SUMF1: variants seen among roughly 807,000 people sequenced by gnomAD.
The protein encoded by SUMF1 is formylglycine-generating enzyme.
Under a neutral mutation model 47.6 loss-of-function variants are expected in SUMF1, and 48 were observed. The ratio of observed to expected loss-of-function variants is 1.01; its 90% CI spans 0.80 to 1.28. SUMF1 has a LOEUF of 1.28. Among genes scored for constraint, SUMF1 ranks in the 50% most tolerant of loss-of-function variants. SUMF1 has a pLI of 0.00. For synonymous variants in SUMF1, 230 were observed against 192.1 expected (o/e 1.20, Z -1.63); for missense variants, 571 against 485.4 (o/e 1.18, Z -1.66).
intron 8 of SUMF1, among the ~76,000 whole-genome samples, chr3:4,366,716 C>T (rs1476491731): frequency 2.0e-5 from 3 of 152,192 alleles, no homozygotes; most frequent in Non-Finnish European, 4.4e-5. Flanking sequence ...TCTCTCAACT[C>T]GTCAAAGTCA....
intron 3 of SUMF1, among the ~76,000 whole-genome samples, chr3:4,421,281 G>C (rs1701889520): frequency 6.6e-6 from 1 of 152,080 alleles, no homozygotes; most frequent in South Asian, 2.1e-4. Flanking sequence ...GATAGTAACA[G>C]CACCTATATC....
At chr3:4,050,163 T>C (rs1695080593) in intron 9 of SUMF1, among the ~76,000 whole-genome samples, 1 of 151,908 alleles carries the variant, frequency 6.6e-6, no homozygotes, top group Non-Finnish European at 1.5e-5. Context: ...CAGGAATGCC[T>C]GTCTCCATTT....
intron 9 of SUMF1, among the ~76,000 whole-genome samples, chr3:4,044,224 T>C (rs1426796631): frequency 1.3e-5 from 2 of 152,186 alleles, no homozygotes; most frequent in Non-Finnish European, 2.9e-5. Flanking sequence ...CAGTTCAGGA[T>C]TTCTGAGACC....
At chr3:4,402,661 G>A (rs560520396) in intron 7 of SUMF1, among the ~76,000 whole-genome samples, 5 of 152,148 alleles carry the variant, frequency 3.3e-5, no homozygotes, top group South Asian at 4.2e-4. Context: ...AAGGGAAAGC[G>A]ACCACCATCA....
chr3:4,327,356 C>A (rs900551439), intron 8 of SUMF1, among the ~76,000 whole-genome samples: 1 of 152,150 alleles, frequency 6.6e-6, no homozygotes, highest in Non-Finnish European at 1.5e-5. Flanking sequence ...CCTTTAATAG[C>A]ACCCAGAAGA....
intron 8 of SUMF1, among the ~76,000 whole-genome samples, chr3:4,165,137 G>A (rs1232510768): frequency 6.6e-6 from 1 of 152,100 alleles, no homozygotes; most frequent in Non-Finnish European, 1.5e-5. Flanking sequence ...ACTTGACTAA[G>A]ATACCAGGTA....
At chr3:4,381,296 A>G (rs1483448662) in intron 7 of SUMF1, among the ~76,000 whole-genome samples, 1 of 152,210 alleles carries the variant, frequency 6.6e-6, no homozygotes. Flanking sequence ...ACGAGGATGC[A>G]AAGGCATAAG....
chr3:4,367,376 A>G (rs570769539), intron 8 of SUMF1, among the ~76,000 whole-genome samples: 1 of 152,338 alleles, frequency 6.6e-6, no homozygotes, highest in African/African-American at 2.4e-5. Flanking sequence ...GGCTCCACCC[A>G]TTTCGAGCTT....
chr3:4,059,386 T>C lies in SUMF1; in HGVS notation c.1191+9183A>G, dbSNP rs181173280. ...GGAGGAAAAGAAGGCCCTTGGAAATTGCCATTCTGGAATTGAAAACTTAAA... is the reference window on the plus strand; with the variant it reads ...GGAGGAAAAGAAGGCCCTTGGAAATCGCCATTCTGGAATTGAAAACTTAAA... On this transcript the variant is annotated intron_variant and NMD_transcript_variant, in intron 9 of 12. Coordinates refer to the SUMF1 transcript ENST00000448413. Among the ~76,000 whole-genome samples the C allele has an allele frequency of 2.6e-5, 4 of 152,242 alleles. No individual in the cohort carries two copies. The East Asian group carries it at 7.7e-4, about 29-fold the overall frequency.
chr3:4,362,263 A>G lies in SUMF1; in HGVS notation c.1015-9T>C, dbSNP rs1465413567. On this transcript the variant is annotated splice_polypyrimidine_tract_variant and intron_variant, in intron 8 of 8. Coordinates refer to ENST00000272902, the MANE Select transcript of SUMF1 (RefSeq NM_182760.4). Reference sequence around the variant, plus strand: ...TACCTGTAACAATAAGACTGTGTAGAGAGAAAGAGCAAGGTAAGTGCTACT... The same window carrying G: ...TACCTGTAACAATAAGACTGTGTAGGGAGAAAGAGCAAGGTAAGTGCTACT... The G allele has an allele frequency of 1.9e-6, 3 of 1,612,642 alleles. No individual in the cohort carries two copies. The South Asian group carries it at 3.3e-5, about 18-fold the overall frequency.
chr3:4,317,203 G>A (rs539157918), intron 8 of SUMF1: 143 of 1,548,084 alleles, frequency 9.2e-5, no homozygotes, highest in Middle Eastern at 1.7e-4. Context: ...CTTATTTCTC[G>A]TTGGCAAAAA....
At chr3:4,118,512 T>C (rs574338118) in intron 8 of SUMF1, among the ~76,000 whole-genome samples, 1 of 152,278 alleles carries the variant, frequency 6.6e-6, no homozygotes, top group East Asian at 1.9e-4. Context: ...TTTAGTACCA[T>C]TTAAATATTT....
intron 9 of SUMF1, among the ~76,000 whole-genome samples, chr3:4,041,846 C>G (rs1694912324): frequency 6.6e-6 from 1 of 152,188 alleles, no homozygotes; most frequent in Non-Finnish European, 1.5e-5. Flanking sequence ...GGCAGCACAG[C>G]TTTTTCCCTC....
intron 8 of SUMF1, among the ~76,000 whole-genome samples, chr3:4,216,351 A>G (rs1695923689): frequency 6.6e-6 from 1 of 152,150 alleles, no homozygotes; most frequent in African/African-American, 2.4e-5. Context: ...CAATAAACTG[A>G]AACTGGAACC....
At chr3:4,297,514 C>T (rs1164073963) in intron 8 of SUMF1, among the ~76,000 whole-genome samples, 1 of 151,890 alleles carries the variant, frequency 6.6e-6, no homozygotes, top group East Asian at 1.9e-4. Context: ...CTCAAGCAAT[C>T]CTCCCACCTC....
At chr3:4,303,402 C>A in intron 8 of SUMF1, 1 of 1,558,872 alleles carries the variant, frequency 6.4e-7, no homozygotes, top group East Asian at 2.6e-5. Context: ...ACGACACGGC[C>A]TTGTGGGATG....
chr3:4,276,043 G>A (rs1697408462), intron 8 of SUMF1, among the ~76,000 whole-genome samples: 1 of 152,142 alleles, frequency 6.6e-6, no homozygotes. Flanking sequence ...CTCAAGCCCT[G>A]ATCTGTGTGG....
At chr3:4,224,581 G>A (rs926958752) in intron 8 of SUMF1, among the ~76,000 whole-genome samples, 1 of 151,948 alleles carries the variant, frequency 6.6e-6, no homozygotes, top group Non-Finnish European at 1.5e-5. Context: ...CAGCAAGGGG[G>A]CCAAGATTCA....
chr3:4,228,505 C>T (rs1696224084), intron 8 of SUMF1, among the ~76,000 whole-genome samples: 1 of 152,128 alleles, frequency 6.6e-6, no homozygotes, highest in Non-Finnish European at 1.5e-5. Context: ...CCAATTAGAA[C>T]CAACTCTGAC....
Sources: gnomAD v4.1 joint callset for allele counts (sites outside exome capture counted in the v4.1 genomes callset) on GRCh38, gnomAD v4.1.1 for gene constraint, MANE v1.5 for transcripts, NCBI Gene and HGNC (gene_info 2026-07-23, HGNC 2026-07-21) for gene names.